Variants in NCOA2 observed in about 807,000 individuals in gnomAD.
NCOA2 encodes the protein nuclear receptor coactivator 2.
Under a neutral mutation model 145.1 loss-of-function variants are expected in NCOA2, and 21 were observed. The ratio of observed to expected loss-of-function variants is 0.14; its 90% confidence interval spans 0.10 to 0.21. The LOEUF (loss-of-function observed/expected upper bound fraction) is 0.21. Among genes scored for constraint, NCOA2 ranks in the 10% least tolerant of loss-of-function variants. The pLI, the probability that NCOA2 is intolerant of heterozygous loss-of-function variation, is 1.00. For missense variants in NCOA2, 1,472 were observed against 1,837.6 expected (o/e 0.80, Z 3.64); for synonymous variants, 619 against 637.5 (o/e 0.97, Z 0.44).
At chr8:70,158,269 A>G (rs1020547462) in intron 10 of NCOA2, among the ~76,000 whole-genome samples, 2 of 152,234 alleles carry the variant, frequency 1.3e-5, no homozygotes, top group Admixed American at 1.3e-4. Context: ...GCAACGTTAT[A>G]TATTTACTGA....
chr8:70,428,100 A>G, the NCOA2 span, among the ~76,000 whole-genome samples: 1 of 152,254 alleles, frequency 6.6e-6, no homozygotes, highest in Admixed American at 6.5e-5. Context: ...GAAAATTAAC[A>G]TGGTTCTCAT....
Position 70,213,926 on chromosome 8 carries a change from T to C in NCOA2, c.236A>G (p.Gln79Arg). 2.5e-6 allele frequency: 4 copies of C among 1,602,274 alleles called. No homozygotes were observed. Among genetic ancestry groups the C allele is most frequent in the Non-Finnish European group, 3.4e-6 (4 of 1,174,328 alleles). The change falls in exon 4 of 23, where the codon CAA (glutamine) becomes CGA (arginine). Residue 79 changes from glutamine (Q) to arginine (R), a missense_variant. By Grantham distance (43) the Gln-to-Arg change is conservative. Coordinates refer to ENST00000452400, the MANE Select transcript of NCOA2 (RefSeq NM_006540.4). Reference protein sequence around the residue: ...KCAILKETVKQIRQIKEQEKA... With the variant: ...KCAILKETVKRIRQIKEQEKA... ...ACCTTGTTCTTTGATCTGACGAATTTGCTTCACAGTTTCTTTTAAGATTGC... is the reference window on the plus strand; with the variant it reads ...ACCTTGTTCTTTGATCTGACGAATTCGCTTCACAGTTTCTTTTAAGATTGC...
upstream of NCOA2, among the ~76,000 whole-genome samples, chr8:70,404,189 G>A (rs901159093): frequency 5.3e-5 from 8 of 152,232 alleles, no homozygotes; most frequent in African/African-American, 1.9e-4. Context: ...GGGTGACTGT[G>A]GTAGAGGGAG....
chr8:70,343,891 CA>C (rs1433843314), intron 1 of NCOA2, among the ~76,000 whole-genome samples: 2 of 151,658 alleles, frequency 1.3e-5, no homozygotes, highest in African/African-American at 4.8e-5. Context: ...AAATGTGTTT[CA>C]AAAATCCATT....
In NCOA2 at chr8:70,166,687, C is replaced by G. The variant is rs1251373916; in HGVS notation, c.609G>C (p.Leu203=). The change falls in exon 7 of 23, where the codon CTG becomes CTC. Residue 203 remains leucine (L), a synonymous_variant. Transcript: ENST00000452400. ...RNSHTFNCRM[L]VKPLPDSEEE... is the part of the protein sequence containing the mutation. ...CTTCTGAATCAGGTAAAGGTTTTAC[C>G]AGCATCCGACAATTGAAGGTATGGC... The G allele has an allele frequency of 3.1e-6, 5 of 1,614,014 alleles. No homozygotes were observed. The South Asian group carries it at 5.5e-5, about 18-fold the overall frequency.
intron 22 of NCOA2, among the ~76,000 whole-genome samples, chr8:70,119,375 A>G (rs1807519714): frequency 6.6e-6 from 1 of 152,236 alleles, no homozygotes; most frequent in South Asian, 2.1e-4. Context: ...CTACGTTGCC[A>G]CAAATGACAT....
the NCOA2 span, among the ~76,000 whole-genome samples, chr8:70,454,374 A>G: frequency 6.9e-3 from 1,049 of 152,350 alleles, 7 homozygotes; most frequent in African/African-American, 0.024. Context: ...GCAATTGTGC[A>G]AAGAACGGAA....
intron 1 of NCOA2, among the ~76,000 whole-genome samples, chr8:70,385,829 G>GA (rs151192672): frequency 0.033 from 4,892 of 148,916 alleles, 250 homozygotes; most frequent in African/African-American, 0.11. Flanking sequence ...GAGTGATGAG[G>GA]AAAAAAAAAA....
At chr8:70,369,271 G>GTTT (rs1451971017) in intron 1 of NCOA2, among the ~76,000 whole-genome samples, 5 of 152,214 alleles carry the variant, frequency 3.3e-5, no homozygotes, top group Admixed American at 2.0e-4. Flanking sequence ...TTTGGAAGAT[G>GTTT]TCCATTTAAG....
At chr8:70,261,922 A>G (rs1456983067) in intron 2 of NCOA2, among the ~76,000 whole-genome samples, 1 of 152,144 alleles carries the variant, frequency 6.6e-6, no homozygotes, top group Non-Finnish European at 1.5e-5. Flanking sequence ...ATGAGGGGGG[A>G]AAAGTGGATA....
intron 1 of NCOA2, among the ~76,000 whole-genome samples, chr8:70,340,111 G>T (rs1269740970): frequency 6.6e-6 from 1 of 152,140 alleles, no homozygotes; most frequent in Non-Finnish European, 1.5e-5. Context: ...AAACTAAAAA[G>T]CTTCTGCACA....
chr8:70,288,246 G>A (rs1380425856), intron 2 of NCOA2, among the ~76,000 whole-genome samples: 2 of 152,086 alleles, frequency 1.3e-5, no homozygotes, highest in African/African-American at 4.8e-5. Context: ...TATTCACTAT[G>A]ATGTGAAAGA....
intron 1 of NCOA2, among the ~76,000 whole-genome samples, chr8:70,304,457 G>A (rs1320350137): frequency 1.3e-5 from 2 of 151,448 alleles, no homozygotes; most frequent in South Asian, 2.1e-4. Flanking sequence ...TAAGTGATGC[G>A]TGACTATATG....
intron 4 of NCOA2, among the ~76,000 whole-genome samples, chr8:70,186,496 T>A (rs1016070917): frequency 2.0e-4 from 30 of 152,324 alleles, no homozygotes; most frequent in African/African-American, 6.3e-4. Flanking sequence ...AAAGCTGTTA[T>A]GAAGTATTCA....
intron 2 of NCOA2, among the ~76,000 whole-genome samples, chr8:70,289,681 T>C (rs138039537): frequency 3.6e-4 from 55 of 152,068 alleles, no homozygotes; most frequent in African/African-American, 1.3e-3. Flanking sequence ...TAAAAAGTAG[T>C]GAAAACAAAC....
At chr8:70,362,514 C>CA (rs776640965) in intron 1 of NCOA2, among the ~76,000 whole-genome samples, 11 of 151,744 alleles carry the variant, frequency 7.2e-5, no homozygotes, top group Non-Finnish European at 1.5e-4. Flanking sequence ...GACTCTTCAC[C>CA]AAAAAAAGAT....
chr8:70,178,749 G>A (rs1815143474), intron 4 of NCOA2, among the ~76,000 whole-genome samples: 1 of 152,224 alleles, frequency 6.6e-6, no homozygotes, highest in South Asian at 2.1e-4. Flanking sequence ...TTTCACATTT[G>A]TTGTAACCGA....
intron 1 of NCOA2, chr8:70,357,393 T>C (rs1809801770): frequency 6.6e-6 from 1 of 152,006 alleles, no homozygotes; most frequent in Non-Finnish European, 1.5e-5. Flanking sequence ...ATCACAACCA[T>C]TTACAGATTT....
chr8:70,110,958 C>T lies in NCOA2; in HGVS notation c.*2674G>A. The T allele has an allele frequency of 4.5e-6, 1 of 222,610 alleles. No individual in the cohort carries two copies. The highest frequency in any genetic ancestry group is 9.0e-6 in the Non-Finnish European group (1 of 111,418). 13.8% of individuals were successfully genotyped at this position (222,610 alleles called of 1,614,324 possible). The stretch of plus-strand genomic sequence containing the variant: ...ATTAAACAAAAACCAAGTACTCAGT[C>T]TAACAAATTTATTGTGTACAGCATG... On this transcript the variant is annotated 3_prime_UTR_variant, in exon 23 of 23. Coordinates refer to ENST00000452400, the MANE Select transcript of NCOA2 (RefSeq NM_006540.4).
Sources: allele counts gnomAD v4.1 joint callset (sites outside exome capture counted in the v4.1 genomes callset), GRCh38; gene constraint gnomAD v4.1.1; transcripts MANE v1.5; gene names NCBI Gene and HGNC (gene_info 2026-07-23, HGNC 2026-07-21).